Variants in NTRK2 observed in about 807,000 individuals in gnomAD.
NTRK2 encodes the protein neurotrophic receptor tyrosine kinase 2.
NTRK2 carries 13 observed loss-of-function variants against 94.5 expected under a neutral mutation model. That is an observed-to-expected ratio of 0.14 (90% CI 0.09 to 0.22). NTRK2 has a LOEUF of 0.22. Among genes scored for constraint, NTRK2 ranks in the 10% least tolerant of loss-of-function variants. NTRK2 has a pLI of 1.00. For missense variants in NTRK2, 639 were observed against 1,071.2 expected (o/e 0.60, Z 5.63); for synonymous variants, 372 against 407.4 (o/e 0.91, Z 1.05).
intron 8 of NTRK2, 50 bp downstream of exon 8, chr9:84,724,406 T>C (rs1466512586): frequency 6.2e-7 from 1 of 1,612,294 alleles, no homozygotes; most frequent in Admixed American, 1.7e-5. Flanking sequence ...ATCATGGACG[T>C]ACCTACGTTT....
intron 12 of NTRK2, among the ~76,000 whole-genome samples, chr9:84,763,892 C>G (rs1436296722): frequency 2.6e-5 from 4 of 151,266 alleles, no homozygotes; most frequent in Non-Finnish European, 4.4e-5. Flanking sequence ...TTCTCTTTTT[C>G]CCTGCCTTAC....
intron 12 of NTRK2, among the ~76,000 whole-genome samples, chr9:84,776,627 A>T (rs1025544064): frequency 6.6e-6 from 1 of 152,228 alleles, no homozygotes. Flanking sequence ...GGCAGAAGAC[A>T]TGAGATTTTG....
At chr9:84,996,984 G>A (rs563980268) in intron 17 of NTRK2, among the ~76,000 whole-genome samples, 9 of 152,258 alleles carry the variant, frequency 5.9e-5, no homozygotes, top group South Asian at 4.2e-4. Context: ...AGTACGGCCC[G>A]TATGCAGAGT....
chr9:84,771,644 T>C (rs2066556144), intron 12 of NTRK2, among the ~76,000 whole-genome samples: 1 of 152,206 alleles, frequency 6.6e-6, no homozygotes, highest in African/African-American at 2.4e-5. Context: ...GGAATGTTCT[T>C]CCTCCATCCA....
intron 12 of NTRK2, among the ~76,000 whole-genome samples, chr9:84,798,618 C>T (rs1265305742): frequency 6.6e-6 from 1 of 152,148 alleles, no homozygotes; most frequent in East Asian, 1.9e-4. Context: ...GCTATAGGGT[C>T]TCCAAATTTC....
chr9:84,681,574 G>A (rs2059393253), intron 2 of NTRK2, among the ~76,000 whole-genome samples: 1 of 152,066 alleles, frequency 6.6e-6, no homozygotes, highest in Admixed American at 6.6e-5. Context: ...GTGGGGGATG[G>A]GGAACAAACA....
At chr9:84,897,927 C>A (rs2076807843) in intron 14 of NTRK2, among the ~76,000 whole-genome samples, 1 of 152,186 alleles carries the variant, frequency 6.6e-6, no homozygotes, top group South Asian at 2.1e-4. Context: ...GCCATGGCAA[C>A]CACAGCTTAG....
At chr9:84,812,060 AT>A (rs1222159516) in intron 12 of NTRK2, 18 of 1,059,558 alleles carry the variant, frequency 1.7e-5, no homozygotes, top group East Asian at 1.0e-4. Flanking sequence ...TTAAAAATTT[AT>A]TTTTTTTGGA....
rs199849633 is a variant in NTRK2, at chr9:84,710,691, T to G, written c.483T>G (p.Thr161=). 11 of 1,613,986 alleles carry G rather than the reference T, an allele frequency of 6.8e-6. No homozygotes were observed. The highest frequency in any genetic ancestry group is 1.7e-5 in the Admixed American group (1 of 60,000). The stretch of plus-strand genomic sequence containing the variant: ...CCTGTGACATTATGTGGATCAAGAC[T>G]CTCCAAGAGGCTAAATCCAGTCCAG... ...TCSCDIMWIK[T]LQEAKSSPDT... is the part of the protein sequence containing the mutation. The change falls in exon 6 of 19, where the codon ACT becomes ACG. Residue 161 remains threonine, a synonymous_variant. Transcript: ENST00000277120.
intron 2 of NTRK2, among the ~76,000 whole-genome samples, chr9:84,689,485 T>C (rs1446535878): frequency 1.3e-5 from 2 of 152,254 alleles, no homozygotes; most frequent in African/African-American, 4.8e-5. Flanking sequence ...ACAGTCCTCC[T>C]GGACTCTGGG....
rs561335629 is a variant in NTRK2 at position 84,781,195 on chromosome 9, G to A, written c.1396+29110G>A. ...AAGTAACTGTGTGGTTCAGTCAGAAGAAAGGTGATAGGAGTTTTGAGAAAC... is the reference window on the plus strand; with the variant it reads ...AAGTAACTGTGTGGTTCAGTCAGAAAAAAGGTGATAGGAGTTTTGAGAAAC... On this transcript the variant is annotated intron_variant, in intron 12 of 18. Transcript: ENST00000277120. Among the ~76,000 whole-genome samples the A allele has an allele frequency of 7.9e-5, 12 of 152,284 alleles. No individual in the cohort carries two copies. In the South Asian group the frequency reaches 2.1e-3, roughly 26 times the overall value.
intron 14 of NTRK2, among the ~76,000 whole-genome samples, chr9:84,924,003 A>C (rs940181527): frequency 2.0e-5 from 3 of 152,122 alleles, no homozygotes; most frequent in African/African-American, 7.2e-5. Context: ...TGGGGAGGGC[A>C]CATGAGTGGA....
intron 14 of NTRK2, among the ~76,000 whole-genome samples, chr9:84,885,766 G>T (rs576297826): frequency 4.6e-5 from 7 of 152,164 alleles, no homozygotes; most frequent in Non-Finnish European, 7.3e-5. Flanking sequence ...GGTGGCTCAC[G>T]CCTGTAATCT....
At position 84,964,211 on chromosome 9, in the gene NTRK2, A is replaced by T. The variant is rs1199815119; in HGVS notation, c.2172+8694A>T. 3.3e-5 allele frequency among the ~76,000 whole-genome samples: 5 copies of T among 152,248 alleles called. No individual in the cohort carries two copies. In the East Asian group the frequency reaches 7.7e-4, roughly 24 times the overall value. ...CCTGTAAATATTTCTGAGCTTTGTT[A>T]TGGAATGCATTTATATTGCATGGGA... is the stretch of plus-strand genomic sequence containing the variant. On this transcript the variant is annotated intron_variant, in intron 17 of 18. Transcript: ENST00000277120.
chr9:84,716,180 A>G lies in NTRK2; in HGVS notation c.583+5389A>G, dbSNP rs909957310. On this transcript the variant is annotated intron_variant, in intron 6 of 18. Transcript: ENST00000277120. ...TATATAAACCATCCTTAATGGTCCC[A>G]TGGATTGAAATCAGACTTGCCTTTG... is the stretch of plus-strand genomic sequence containing the variant. Among the ~76,000 whole-genome samples the G allele has an allele frequency of 3.3e-5, 5 of 152,176 alleles. 1 individual carries two copies. The highest frequency in any genetic ancestry group is 7.4e-5 in the Non-Finnish European group (5 of 68,008).
rs148822888 is a variant in NTRK2 at position 84,964,321 on chromosome 9, T to C, written c.2172+8804T>C. On this transcript the variant is annotated intron_variant, in intron 17 of 18. Coordinates refer to ENST00000277120, the MANE Select transcript of NTRK2 (RefSeq NM_006180.6). ...TTACTTTAGGGCTTATTTCCCACTA[T>C]TGAGGCAAGATCCTCCTGTGTACTC... is the stretch of plus-strand genomic sequence containing the variant. 3.9e-5 allele frequency among the ~76,000 whole-genome samples: 6 copies of C among 152,338 alleles called. No individual in the cohort carries two copies. In the East Asian group the frequency reaches 1.2e-3, roughly 29 times the overall value.
intron 17 of NTRK2, among the ~76,000 whole-genome samples, chr9:84,983,934 C>G (rs534635117): frequency 6.6e-6 from 1 of 152,294 alleles, no homozygotes; most frequent in Non-Finnish European, 1.5e-5. Flanking sequence ...AGCTGGGGCT[C>G]TAGAGTTAGC....
chr9:84,981,997 C>T (rs1256195539), intron 17 of NTRK2, among the ~76,000 whole-genome samples: 1 of 152,142 alleles, frequency 6.6e-6, no homozygotes, highest in Non-Finnish European at 1.5e-5. Context: ...TTATCCATTG[C>T]CTTTGTTACT....
chr9:84,871,038 T>A (rs1473973622), intron 14 of NTRK2, among the ~76,000 whole-genome samples: 2 of 152,226 alleles, frequency 1.3e-5, no homozygotes, highest in African/African-American at 4.8e-5. Context: ...TTTATAACAC[T>A]CTTTTAATAC....
Sources: gnomAD v4.1 joint callset for allele counts (sites outside exome capture counted in the v4.1 genomes callset) on GRCh38, gnomAD v4.1.1 for gene constraint, MANE v1.5 for transcripts, NCBI Gene and HGNC (gene_info 2026-07-23, HGNC 2026-07-21) for gene names.